Variants in AP3B1 observed in about 807,000 individuals in gnomAD.
AP3B1 encodes the protein AP-3 complex subunit beta-1.
A neutral mutation model predicts 132.5 loss-of-function variants in AP3B1; 61 were observed. The observed-to-expected ratio is 0.46, with a 90% CI of 0.37 to 0.57. The LOEUF (loss-of-function observed/expected upper bound fraction) is 0.57. Ranked by LOEUF, AP3B1 falls within the 20% of genes least tolerant of loss-of-function variation. The pLI is 0.00. For missense variants in AP3B1, 1,120 were observed against 1,289.4 expected (o/e 0.87, Z 2.01); for synonymous variants, 388 against 438.3 (o/e 0.89, Z 1.43).
chr5:78,235,282 C>T (rs1746827460), intron 3 of AP3B1, among the ~76,000 whole-genome samples: 1 of 152,188 alleles, frequency 6.6e-6, no homozygotes, highest in Non-Finnish European at 1.5e-5. Context: ...TATCCCCTTA[C>T]AATTTATTTC....
At chr5:78,097,350 T>C (rs1272871555) in intron 21 of AP3B1, among the ~76,000 whole-genome samples, 259 of 87,514 alleles carry the variant, frequency 3.0e-3, no homozygotes, top group Non-Finnish European at 3.5e-3. Context: ...GTCAGCCCCC[T>C]GCCCGGCCAG....
chr5:78,005,380 A>G (rs1746347322), intron 26 of AP3B1, among the ~76,000 whole-genome samples: 1 of 152,236 alleles, frequency 6.6e-6, no homozygotes, highest in Non-Finnish European at 1.5e-5. Flanking sequence ...TAAAAAACTT[A>G]GAGTTAATGT....
Position 78,273,746 on chromosome 5 carries a change from C to T in AP3B1, c.129-6151G>A, listed in dbSNP as rs1580576704. On this transcript the variant is annotated intron_variant, in intron 1 of 26. Coordinates refer to ENST00000255194, the MANE Select transcript of AP3B1 (RefSeq NM_003664.5). The stretch of plus-strand genomic sequence containing the variant: ...ACTTTCCATTAAGATTACTGAAGAG[C>T]CACACAGAGTGCTAAGGAAGATGCC... Among the ~76,000 whole-genome samples, 3 of 151,984 alleles carry T rather than the reference C, an allele frequency of 2.0e-5. No individual in the cohort carries two copies. The East Asian group carries it at 5.8e-4, about 29-fold the overall frequency.
intron 3 of AP3B1, among the ~76,000 whole-genome samples, chr5:78,230,671 C>G (rs571692997): frequency 1.2e-3 from 164 of 141,718 alleles, no homozygotes; most frequent in Non-Finnish European, 2.1e-3. Context: ...GTTCCACTTC[C>G]CCAAGTTCCA....
intron 1 of AP3B1, among the ~76,000 whole-genome samples, chr5:78,279,207 G>C (rs1258405789): frequency 6.6e-6 from 1 of 152,150 alleles, no homozygotes; most frequent in African/African-American, 2.4e-5. Context: ...GGAGTTATGA[G>C]ATATGGGATT....
At chr5:78,259,679 T>C (rs1747999314) in intron 2 of AP3B1, among the ~76,000 whole-genome samples, 1 of 151,840 alleles carries the variant, frequency 6.6e-6, no homozygotes. Context: ...TAAAAATACA[T>C]ATATATGGCC....
chr5:78,118,256 A>G (rs1194930591), intron 17 of AP3B1, among the ~76,000 whole-genome samples: 4 of 152,216 alleles, frequency 2.6e-5, no homozygotes, highest in Non-Finnish European at 5.9e-5. Context: ...TCCCAGCGTG[A>G]GCGACGCAGA....
chr5:78,006,189 G>C (rs1309822669), intron 26 of AP3B1, among the ~76,000 whole-genome samples: 3 of 152,200 alleles, frequency 2.0e-5, no homozygotes, highest in Non-Finnish European at 4.4e-5. Context: ...GATGAGGCAA[G>C]CGAGGCCCAG....
intron 21 of AP3B1, among the ~76,000 whole-genome samples, chr5:78,100,390 T>C (rs1751079134): frequency 6.6e-6 from 1 of 152,228 alleles, no homozygotes; most frequent in Non-Finnish European, 1.5e-5. Context: ...GGTAAATACA[T>C]ATATCTTTGT....
chr5:78,187,349 T>A (rs181825094), intron 7 of AP3B1, among the ~76,000 whole-genome samples: 52 of 152,314 alleles, frequency 3.4e-4, no homozygotes, highest in Non-Finnish European at 1.2e-4. Flanking sequence ...AAGTGCTGTA[T>A]TAACAGACAT....
At chr5:78,119,506 G>T (rs1752051167) in intron 17 of AP3B1, among the ~76,000 whole-genome samples, 1 of 152,182 alleles carries the variant, frequency 6.6e-6, no homozygotes, top group South Asian at 2.1e-4. Context: ...GGAGCTGATG[G>T]AGCTGAAAGC....
At position 78,113,913 on chromosome 5, in the gene AP3B1, A is replaced by G. The variant is rs200618231; in HGVS notation, c.2088T>C (p.Ser696=). ...CGCCTTGTTCTCCACTTTCACTTCCAGATTCACTCTCTGAAAAACAGAACC... is the reference window on the plus strand; with the variant it reads ...CGCCTTGTTCTCCACTTTCACTTCCGGATTCACTCTCTGAAAAACAGAACC... The part of the protein sequence containing the change: ...SDSSSDSESE[S]GSESGEQGES... Residue 696 remains serine, a synonymous_variant, in exon 19 of 27, where the codon TCT becomes TCC. Coordinates refer to ENST00000255194, the MANE Select transcript of AP3B1 (RefSeq NM_003664.5). 1 of 1,614,082 alleles carries G rather than the reference A, an allele frequency of 6.2e-7. No homozygotes were observed. The highest frequency in any genetic ancestry group is 8.5e-7 in the Non-Finnish European group (1 of 1,179,988).
At chr5:78,200,091 C>T (rs564715653) in intron 7 of AP3B1, among the ~76,000 whole-genome samples, 1 of 151,950 alleles carries the variant, frequency 6.6e-6, no homozygotes, top group African/African-American at 2.4e-5. Flanking sequence ...GGGAAGGGAA[C>T]ATGCTTACTA....
At chr5:78,172,122 G>C (rs1743944783) in intron 11 of AP3B1, among the ~76,000 whole-genome samples, 1 of 152,182 alleles carries the variant, frequency 6.6e-6, no homozygotes, top group Admixed American at 6.5e-5. Context: ...TGTTTGATGT[G>C]CTGCTGAATT....
chr5:78,105,505 C>T (rs760396390), intron 20 of AP3B1, among the ~76,000 whole-genome samples: 18 of 152,062 alleles, frequency 1.2e-4, no homozygotes, highest in Non-Finnish European at 2.5e-4. Context: ...CTCTTCCTGA[C>T]ACAATGTGGT....
chr5:78,257,664 A>C (rs1747905605), intron 2 of AP3B1, among the ~76,000 whole-genome samples: 1 of 152,232 alleles, frequency 6.6e-6, no homozygotes, highest in Non-Finnish European at 1.5e-5. Flanking sequence ...GAAATAGAAA[A>C]AGAAATCCTA....
intron 13 of AP3B1, among the ~76,000 whole-genome samples, chr5:78,160,083 G>C (rs182135904): frequency 1.3e-5 from 2 of 152,302 alleles, no homozygotes; most frequent in African/African-American, 4.8e-5. Context: ...AAGAGAGTAA[G>C]TGGTCACTAT....
chr5:78,047,392 T>G (rs1748386268), intron 22 of AP3B1, among the ~76,000 whole-genome samples: 1 of 152,238 alleles, frequency 6.6e-6, no homozygotes, highest in Non-Finnish European at 1.5e-5. Flanking sequence ...ATGATCCCCA[T>G]TCTAACTGGT....
chr5:78,114,057 T>C (rs2112260811), intron 18 of AP3B1, 134 bp from the exon 19 acceptor site: 1 of 975,470 alleles, frequency 1.0e-6, no homozygotes, highest in East Asian at 2.6e-5. Context: ...TTGTTTAACA[T>C]TTTATTCCCA....
Sources: gnomAD v4.1 joint callset for allele counts (sites outside exome capture counted in the v4.1 genomes callset) on GRCh38, gnomAD v4.1.1 for gene constraint, MANE v1.5 for transcripts, NCBI Gene and HGNC (gene_info 2026-07-23, HGNC 2026-07-21) for gene names.